The following DERL1 variants were observed in gnomAD, a reference collection of about 807,000 sequenced individuals.
The protein encoded by DERL1 is derlin-1.
DERL1 carries 24 observed loss-of-function variants against 41.6 expected under a neutral mutation model. The observed-to-expected ratio is 0.58, with a 90% CI of 0.42 to 0.81. DERL1 has a LOEUF of 0.81. DERL1 is among the 30% of genes least tolerant of loss of function. DERL1 has a pLI of 0.00. For missense variants in DERL1, 260 were observed against 314.3 expected, an observed-to-expected ratio of 0.83 and a Z score of 1.31; for synonymous variants, 124 against 112.5, an observed-to-expected ratio of 1.10 and a Z score of -0.65.
At chr8:123,023,149 C>G in intron 4 of DERL1, among the ~76,000 whole-genome samples, 1 of 152,048 alleles carries the variant, frequency 6.6e-6, no homozygotes, top group Non-Finnish European at 1.5e-5. Context: ...ACTAGACAAC[C>G]ATTATTGTCA....
chr8:123,023,615 A>G (rs1312925013), intron 4 of DERL1, 98 bp downstream of exon 4: 8 of 1,123,136 alleles, frequency 7.1e-6, no homozygotes, highest in Non-Finnish European at 1.0e-5. Context: ...CACATAATTA[A>G]CCCCATAGTT....
chr8:123,041,859 C>A (rs2075125586), intron 1 of DERL1, 111 bp downstream of exon 1: 1 of 1,398,772 alleles, frequency 7.1e-7, no homozygotes, highest in Non-Finnish European at 9.4e-7. Flanking sequence ...GCGCCGGACC[C>A]ACTACAAATC....
intron 1 of DERL1, among the ~76,000 whole-genome samples, chr8:123,033,409 T>C (rs1175992050): frequency 1.3e-5 from 2 of 152,220 alleles, no homozygotes; most frequent in Non-Finnish European, 2.9e-5. Context: ...CTTTTTATAC[T>C]TAACCACAAA....
At chr8:123,039,739 T>C (rs1813003556) in intron 1 of DERL1, among the ~76,000 whole-genome samples, 1 of 152,238 alleles carries the variant, frequency 6.6e-6, no homozygotes, top group African/African-American at 2.4e-5. Context: ...TTTACTATTG[T>C]ACCCCAGTGC....
intron 2 of DERL1, chr8:123,025,523 TTGTCTCCATTG>T (rs1290964851): frequency 1.0e-5 from 1 of 95,930 alleles, no homozygotes. Context: ...CATGCCTGTT[TTGTCTCCATTG>T]TGTCTCCTCC....
At chr8:123,037,356 A>C (rs1415957343) in intron 1 of DERL1, among the ~76,000 whole-genome samples, 1 of 152,138 alleles carries the variant, frequency 6.6e-6, no homozygotes, top group Non-Finnish European at 1.5e-5. Flanking sequence ...GTTGAATGTA[A>C]TTTCTACTCC....
intron 3 of DERL1, 73 bp downstream of exon 3, chr8:123,024,913 A>G: frequency 6.8e-7 from 1 of 1,472,552 alleles, no homozygotes; most frequent in South Asian, 1.2e-5. Flanking sequence ...ACGTTTACAG[A>G]ATATGGTCTA....
chr8:123,032,941 G>C (rs1440211585), intron 1 of DERL1, among the ~76,000 whole-genome samples: 1 of 145,244 alleles, frequency 6.9e-6, no homozygotes, highest in African/African-American at 2.5e-5. Context: ...ACAGCTCACT[G>C]TAACCTCAAA....
chr8:123,030,570 A>C, intron 2 of DERL1, 35 bp downstream of exon 2: 7 of 1,445,906 alleles, frequency 4.8e-6, no homozygotes, highest in Non-Finnish European at 6.7e-6. Context: ...TAAATGAGAA[A>C]GAAACAATGC....
intron 2 of DERL1, among the ~76,000 whole-genome samples, chr8:123,025,302 C>A (rs75475623): frequency 6.6e-6 from 1 of 152,210 alleles, no homozygotes; most frequent in East Asian, 1.9e-4. Flanking sequence ...GCTCTGACTA[C>A]CACAGGCTAA....
rs2294086 is a variant in DERL1, at chr8:123,015,061, A to G, written c.*386T>C. The G allele has an allele frequency of 0.16, 25,582 of 159,224 alleles. 2,617 individuals are homozygous for G. Among genetic ancestry groups the G allele is most frequent in the African/African-American group, 0.3 (12,394 of 41,736 alleles). 9.9% of individuals were successfully genotyped at this position (159,224 alleles called of 1,614,324 possible). On this transcript the variant is annotated 3_prime_UTR_variant, in exon 8 of 8. Coordinates refer to ENST00000259512, the MANE Select transcript of DERL1 (RefSeq NM_024295.6). ...ATGTGGGGGTTGGGAAAAGTGGGAG[A>G]GAGGCATGTGTGCAAGAAAGAGATA...
At position 123,015,571 on chromosome 8, in the gene DERL1, G is replaced by C. The variant is rs1278112602; in HGVS notation, c.632C>G (p.Pro211Arg). 5.6e-6 allele frequency: 9 copies of C among 1,609,124 alleles called. No individual in the cohort carries two copies. The highest frequency in any genetic ancestry group is 3.3e-4 in the Middle Eastern group (2 of 6,080). Residue 211 changes from proline (P) to arginine (R), a missense_variant, in exon 8 of 8, where the codon CCC (proline) becomes CGC (arginine). Pro to Arg is a moderately radical substitution (Grantham distance 103). Coordinates refer to ENST00000259512, the MANE Select transcript of DERL1 (RefSeq NM_024295.6). ...TCCTGATACTCCTCCTCTCCTACTGGGCAGCCAGCGGTACCTGGTGCAGAA... is the reference window on the plus strand; with the variant it reads ...TCCTGATACTCCTCCTCTCCTACTGCGCAGCCAGCGGTACCTGGTGCAGAA... ...STPQFLYRWL[P>R]SRRGGVSGFG...
chr8:123,015,323 G>A lies in DERL1; in HGVS notation c.*124C>T, dbSNP rs530328381. On this transcript the variant is annotated 3_prime_UTR_variant, in exon 8 of 8. Coordinates refer to ENST00000259512, the MANE Select transcript of DERL1 (RefSeq NM_024295.6). Reference sequence around the variant, plus strand: ...TTCGGGATTTAAGAAACTTTGTCTCGTACTGAAAGACTACATTCAGTGTGG... The same window carrying A: ...TTCGGGATTTAAGAAACTTTGTCTCATACTGAAAGACTACATTCAGTGTGG... 3.6e-5 allele frequency: 44 copies of A among 1,234,780 alleles called. No individual in the cohort carries two copies. In the African/African-American group the frequency reaches 3.9e-4, roughly 11 times the overall value. The allele number at this position is 1,234,780 out of a possible 1,614,324, so 76.5% of individuals were successfully genotyped here.
chr8:123,018,926 A>T (rs1321796805), intron 7 of DERL1: 2 of 435,146 alleles, frequency 4.6e-6, no homozygotes, highest in Admixed American at 4.1e-5. Context: ...CAGGTCCCTC[A>T]GCAGGCTCAG....
At chr8:123,039,983 T>C (rs1036662485) in intron 1 of DERL1, among the ~76,000 whole-genome samples, 3 of 152,196 alleles carry the variant, frequency 2.0e-5, no homozygotes, top group Non-Finnish European at 4.4e-5. Flanking sequence ...TTTGGGAGGC[T>C]GAGGCGGGTG....
At chr8:123,031,850 T>A (rs938180076) in intron 1 of DERL1, among the ~76,000 whole-genome samples, 3 of 152,206 alleles carry the variant, frequency 2.0e-5, no homozygotes, top group African/African-American at 7.2e-5. Context: ...CCTCTTTATA[T>A]GTGCATATAC....
chr8:123,022,631 AG>A, intron 5 of DERL1, 52 bp downstream of exon 5: 1 of 1,541,762 alleles, frequency 6.5e-7, no homozygotes. Context: ...TGGACTGAAG[AG>A]GGATTTCTGC....
chr8:123,022,692 G>C lies in DERL1; in HGVS notation c.445C>G (p.Arg149Gly), dbSNP rs1812591984. The C allele has an allele frequency of 6.2e-7, 1 of 1,614,042 alleles. No individual in the cohort carries two copies. Among genetic ancestry groups the C allele is most frequent in the Non-Finnish European group, 8.5e-7 (1 of 1,179,944 alleles). ...DMIVSFWFGT[R>G]FKACYLPWVI... ...CAACCAAGGCAAAGTACCTTAAATC[G>C]TGTTCCAAACCAAAATGATACAATC... The change falls in exon 5 of 8, where the codon CGA (arginine) becomes GGA (glycine). Residue 149 changes from arginine (R) to glycine (G), a missense_variant. Coordinates refer to ENST00000259512, the MANE Select transcript of DERL1 (RefSeq NM_024295.6).
In DERL1 at chr8:123,014,211, A is replaced by G. The variant is rs1463709755; in HGVS notation, c.*1236T>C. ...CTGATAGGAAAAGCCCACCTACGAA[A>G]AAAAGGTGTGGGTATTTAAGCTGGT... On this transcript the variant is annotated 3_prime_UTR_variant, in exon 8 of 8. Transcript: ENST00000259512. 1 of 152,638 alleles carries G rather than the reference A, an allele frequency of 6.6e-6. No homozygotes were observed. The highest frequency in any genetic ancestry group is 6.5e-5 in the Admixed American group (1 of 15,282). The allele number at this position is 152,638 out of a possible 1,614,324, so 9.5% of individuals were successfully genotyped here.
Sources: gnomAD v4.1 joint callset for allele counts (sites outside exome capture counted in the v4.1 genomes callset) on GRCh38, gnomAD v4.1.1 for gene constraint, MANE v1.5 for transcripts, NCBI Gene and HGNC (gene_info 2026-07-23, HGNC 2026-07-21) for gene names.